The following IRF5 variants were observed in gnomAD, a reference collection of about 807,000 sequenced individuals.
IRF5 encodes the protein interferon regulatory factor 5.
IRF5 carries 24 observed loss-of-function variants against 55.1 expected under a neutral mutation model. The ratio of observed to expected loss-of-function variants is 0.44; its 90% CI spans 0.32 to 0.61. The LOEUF is 0.61. IRF5 is among the 20% of genes least tolerant of loss of function. The pLI, the probability that IRF5 is intolerant of heterozygous loss-of-function variation, is 0.07. For synonymous variants in IRF5, 258 were observed against 260.2 expected (o/e 0.99, Z 0.08); for missense variants, 499 against 658.5 (o/e 0.76, Z 2.65).
At chr7:128,942,484 G>A (rs1230194579) in intron 2 of IRF5, among the ~76,000 whole-genome samples, 1 of 149,724 alleles carries the variant, frequency 6.7e-6, no homozygotes, top group African/African-American at 2.5e-5. Context: ...ACAGAGTCTC[G>A]CTCTGTAGCC....
rs183820417 is a variant in IRF5 at position 128,945,868 on chromosome 7, A to G, written c.219A>G (p.Lys73=). 108 of 1,612,264 alleles carry G rather than the reference A, an allele frequency of 6.7e-5. No individual in the cohort carries two copies. The East Asian group carries it at 2.4e-3, about 35-fold the overall frequency. The change falls in exon 3 of 9, where the codon AAA becomes AAG. Residue 73 remains lysine, a synonymous_variant. Transcript: ENST00000357234. ...IFKAWAKETG[K]YTEGVDEADP... ...AGGCCTGGGCCAAGGAGACAGGGAAATACACCGAAGGCGTGGATGAAGCCG... is the reference window on the plus strand; with the variant it reads ...AGGCCTGGGCCAAGGAGACAGGGAAGTACACCGAAGGCGTGGATGAAGCCG...
intron 1 of IRF5, chr7:128,940,332 G>T (rs1795953429): frequency 6.6e-6 from 1 of 152,262 alleles, no homozygotes; most frequent in African/African-American, 2.4e-5. Context: ...CATTAGGGAA[G>T]CTCTCCCCGA....
intron 1 of IRF5, 116 bp from the exon 2 acceptor site, chr7:128,941,955 A>T: frequency 1.4e-6 from 1 of 705,410 alleles, no homozygotes; most frequent in Non-Finnish European, 2.3e-6. Context: ...AATTGGCCTT[A>T]AATACCTAGA....
At chr7:128,941,855 G>A (rs1358747244) in intron 1 of IRF5, among the ~76,000 whole-genome samples, 1 of 152,162 alleles carries the variant, frequency 6.6e-6, no homozygotes, top group Non-Finnish European at 1.5e-5. Context: ...GGCCGCGCCC[G>A]CAGCATTCAC....
Position 128,947,707 on chromosome 7 carries a change from G to A in IRF5, c.788-22G>A. On this transcript the variant is annotated intron_variant, in intron 6 of 8. Coordinates refer to ENST00000357234, the MANE Select transcript of IRF5 (RefSeq NM_001098629.3). This position sits in a 1 kb window ranked among gnomAD's most constrained non-coding sequence, Gnocchi z 6.5. ...GAGGCGTGGGGCTCAAGGACGGGAT[G>A]GGCCTGCCTTCTGCCCCACAGTGAC... 1 of 1,578,364 alleles carries A rather than the reference G, an allele frequency of 6.3e-7. No homozygotes were observed. Among genetic ancestry groups the A allele is most frequent in the Non-Finnish European group, 8.6e-7 (1 of 1,166,276 alleles).
intron 1 of IRF5, 38 bp from the exon 2 acceptor site, chr7:128,942,033 C>T: frequency 6.6e-7 from 1 of 1,516,626 alleles, no homozygotes; most frequent in Non-Finnish European, 9.0e-7. Flanking sequence ...CATCCACCTG[C>T]AGACCTGCTG....
In IRF5 at chr7:128,946,881, A is replaced by G; in HGVS notation, c.448-142A>G. 1 of 998,344 alleles carries G rather than the reference A, an allele frequency of 1.0e-6. No homozygotes were observed. The highest frequency in any genetic ancestry group is 1.6e-6 in the Non-Finnish European group (1 of 641,664). The allele number at this position is 998,344 out of a possible 1,614,324, so 61.8% of individuals were successfully genotyped here. On this transcript the variant is annotated intron_variant, in intron 4 of 8. Transcript: ENST00000357234. The surrounding 1 kb of genome is among the most constrained non-coding windows in gnomAD (Gnocchi z 4.2). The stretch of plus-strand genomic sequence containing the variant: ...GGATGGACGAGCTGGGACCGGAGGC[A>G]GGGTCTTGCCTGAGCTAAACTGAGG...
chr7:128,947,030 G>T lies in IRF5; in HGVS notation c.455G>T (p.Arg152Met). 1 of 1,614,114 alleles carries T rather than the reference G, an allele frequency of 6.2e-7. No homozygotes were observed. The highest frequency in any genetic ancestry group is 8.5e-7 in the Non-Finnish European group (1 of 1,180,004). ...EEEEEEEELQ[R>M]MLPSLSLTDA... ...CTGGTGGTGTCCCTTCAGCTGCAGA[G>T]GATGTTGCCAAGCCTGAGCCTCACA... is the stretch of plus-strand genomic sequence containing the variant. The change falls in exon 5 of 9, where the codon AGG (arginine) becomes ATG (methionine). Residue 152 changes from arginine (R) to methionine (M), a missense_variant. Transcript: ENST00000357234. The surrounding 1 kb of genome is among the most constrained non-coding windows in gnomAD (Gnocchi z 6.5).
rs1041379928 is a variant in IRF5, at chr7:128,946,442, T to C, written c.386-59T>C. ...GCTACAGGCAGCCTCTCAGGGGATC[T>C]TGCTTCTCCTCCGACATTGACTCCT... On this transcript the variant is annotated intron_variant, in intron 3 of 8. Transcript: ENST00000357234. The surrounding 1 kb of genome is among the most constrained non-coding windows in gnomAD (Gnocchi z 4.2). 1.9e-6 allele frequency: 3 copies of C among 1,557,030 alleles called. No homozygotes were observed. Among genetic ancestry groups the C allele is most frequent in the Non-Finnish European group, 2.6e-6 (3 of 1,149,198 alleles).
At chr7:128,942,678 G>C (rs1450827951) in intron 2 of IRF5, among the ~76,000 whole-genome samples, 1 of 152,008 alleles carries the variant, frequency 6.6e-6, no homozygotes, top group Non-Finnish European at 1.5e-5. Context: ...GTCCCCAGAA[G>C]GCCTTCCCAT....
rs1178229071 is a variant in IRF5, at chr7:128,949,018, G to A, written c.*200G>A. 3.2e-6 allele frequency: 2 copies of A among 627,172 alleles called. No homozygotes were observed. Among genetic ancestry groups the A allele is most frequent in the African/African-American group, 3.7e-5 (2 of 54,418 alleles). The allele number at this position is 627,172 out of a possible 1,614,324, so 38.9% of individuals were successfully genotyped here. A position where few individuals can be genotyped will look rare whatever the true frequency, so the allele number is the denominator to read the frequency against. ...GGCCTTTCTCTCCTGGGCTGTCTCT[G>A]GTCTGGTCAGCCTGGCTCTCGGGAA... On this transcript the variant is annotated 3_prime_UTR_variant, in exon 9 of 9. Coordinates refer to ENST00000357234, the MANE Select transcript of IRF5 (RefSeq NM_001098629.3).
intron 2 of IRF5, among the ~76,000 whole-genome samples, chr7:128,943,380 T>C (rs901962551): frequency 1.6e-4 from 24 of 150,522 alleles, no homozygotes; most frequent in African/African-American, 4.4e-4. Context: ...TATACTCTTT[T>C]TTTTTTTTTT....
At position 128,949,821 on chromosome 7, in the gene IRF5, G is replaced by C. The variant is rs1358003994; in HGVS notation, c.*1003G>C. 1.3e-5 allele frequency: 2 copies of C among 152,146 alleles called. No homozygotes were observed. Among genetic ancestry groups the C allele is most frequent in the Non-Finnish European group, 2.9e-5 (2 of 68,040 alleles). 9.4% of individuals were successfully genotyped at this position (152,146 alleles called of 1,614,324 possible). A position where few individuals can be genotyped will look rare whatever the true frequency, so the allele number is the denominator to read the frequency against. Reference sequence around the variant, plus strand: ...TATATTGTCCCCCGAGGTGGGGACAGTGAGTGAGTTCTCTTAGTCCCCCCA... The same window carrying C: ...TATATTGTCCCCCGAGGTGGGGACACTGAGTGAGTTCTCTTAGTCCCCCCA... On this transcript the variant is annotated 3_prime_UTR_variant, in exon 9 of 9. Coordinates refer to ENST00000357234, the MANE Select transcript of IRF5 (RefSeq NM_001098629.3).
intron 1 of IRF5, among the ~76,000 whole-genome samples, chr7:128,941,590 C>G (rs1796023517): frequency 6.6e-6 from 1 of 152,144 alleles, no homozygotes; most frequent in Non-Finnish European, 1.5e-5. Flanking sequence ...AAGAATCGAA[C>G]TAGGGGTGTA....
At position 128,948,861 on chromosome 7, in the gene IRF5, G is replaced by A; in HGVS notation, c.*43G>A. 2 of 1,583,312 alleles carry A rather than the reference G, an allele frequency of 1.3e-6. No homozygotes were observed. Among genetic ancestry groups the A allele is most frequent in the South Asian group, 1.1e-5 (1 of 88,840 alleles). The stretch of plus-strand genomic sequence containing the variant: ...ACTGGCCCTGGCTTCCTGGGTGGCG[G>A]TGCGGACTGATGTGGAGATGTGACA... On this transcript the variant is annotated 3_prime_UTR_variant, in exon 9 of 9. Coordinates refer to ENST00000357234, the MANE Select transcript of IRF5 (RefSeq NM_001098629.3). This position sits in a 1 kb window ranked among gnomAD's most constrained non-coding sequence, Gnocchi z 4.6.
In IRF5 at chr7:128,948,179, CCT is replaced by C; in HGVS notation, c.1181-28_1181-27del. 6.2e-7 allele frequency: 1 copy of C among 1,611,720 alleles called. No homozygotes were observed. Among genetic ancestry groups the C allele is most frequent in the Non-Finnish European group, 8.5e-7 (1 of 1,178,478 alleles). On this transcript the variant is annotated intron_variant, in intron 7 of 8. Coordinates refer to ENST00000357234, the MANE Select transcript of IRF5 (RefSeq NM_001098629.3). This position sits in a 1 kb window ranked among gnomAD's most constrained non-coding sequence, Gnocchi z 4.6. ...CCTCTTGCCCAGGGCATGGTTCCAGCCTCTGACTAGGGACCTTGATTTTGATG... is the reference window on the plus strand; with the variant it reads ...CCTCTTGCCCAGGGCATGGTTCCAGCCTGACTAGGGACCTTGATTTTGATG...
intron 1 of IRF5, among the ~76,000 whole-genome samples, chr7:128,938,445 T>TG (rs1179799903): frequency 1.3e-5 from 2 of 152,156 alleles, no homozygotes; most frequent in Non-Finnish European, 2.9e-5. Context: ...GGAGCCCCGC[T>TG]GGAGGCTGGC....
chr7:128,937,884 C>CG (rs1274730273), upstream of IRF5: 1 of 152,264 alleles, frequency 6.6e-6, no homozygotes, highest in Non-Finnish European at 1.5e-5. Context: ...GGGCACTGCC[C>CG]GCGCCCGGAG....
intron 2 of IRF5, 81 bp downstream of exon 2, chr7:128,942,357 G>A: frequency 1.5e-6 from 2 of 1,311,692 alleles, no homozygotes; most frequent in Non-Finnish European, 1.0e-6. Context: ...CACACAGGCA[G>A]CTCCTCGAGG....
Sources: gnomAD v4.1 joint callset for allele counts (sites outside exome capture counted in the v4.1 genomes callset) on GRCh38, gnomAD v4.1.1 for gene constraint, Gnocchi (gnomAD v3.1) non-coding constraint, MANE v1.5 for transcripts, NCBI Gene and HGNC (gene_info 2026-07-23, HGNC 2026-07-21) for gene names.